Variants in SLC22A23 observed in about 807,000 individuals in gnomAD.
SLC22A23 encodes ion transporter protein.
In SLC22A23, 26 loss-of-function variants were observed where a neutral mutation model predicts 61.0. That is an observed-to-expected ratio of 0.43 (90% CI 0.31 to 0.59). The LOEUF (loss-of-function observed/expected upper bound fraction) is 0.59, where lower values mean the gene tolerates loss of function less well. SLC22A23 is among the 20% of genes least tolerant of loss of function. The pLI is 0.11. For synonymous variants in SLC22A23, 430 were observed against 413.9 expected (o/e 1.04, Z -0.47); for missense variants, 796 against 934.7 (o/e 0.85, Z 1.94).
At chr6:3,363,286 C>T (rs1288402776) in intron 3 of SLC22A23, among the ~76,000 whole-genome samples, 5 of 152,180 alleles carry the variant, frequency 3.3e-5, no homozygotes, top group Admixed American at 2.0e-4. Context: ...GGGTGAGCTC[C>T]GGCAGCACAG....
rs1005724745 is a variant in SLC22A23, at chr6:3,317,248, C to T, written c.1082+6586G>A. On this transcript the variant is annotated intron_variant, in intron 4 of 9. Coordinates refer to ENST00000406686, the MANE Select transcript of SLC22A23 (RefSeq NM_015482.2). This position sits in a 1 kb window ranked among gnomAD's most constrained non-coding sequence, Gnocchi z 4.4. ...TAACGTAGACCTGGACCTCCAAACACAAGACCAGGCTGTGTCTTGCACAAG... is the reference window on the plus strand; with the variant it reads ...TAACGTAGACCTGGACCTCCAAACATAAGACCAGGCTGTGTCTTGCACAAG... 1.3e-5 allele frequency among the ~76,000 whole-genome samples: 2 copies of T among 152,232 alleles called. No homozygotes were observed. Among genetic ancestry groups the T allele is most frequent in the African/African-American group, 4.8e-5 (2 of 41,450 alleles).
At chr6:3,347,661 C>T (rs1179715198) in intron 3 of SLC22A23, among the ~76,000 whole-genome samples, 1 of 152,070 alleles carries the variant, frequency 6.6e-6, no homozygotes, top group Non-Finnish European at 1.5e-5. Context: ...TTCTCTTTCT[C>T]CTCCTACTTT....
chr6:3,298,835 A>G (rs1006373975), intron 4 of SLC22A23, among the ~76,000 whole-genome samples: 9 of 151,584 alleles, frequency 5.9e-5, no homozygotes, highest in African/African-American at 1.2e-4. Context: ...AGCCGGGCGC[A>G]GTGGCGGGCG....
chr6:3,431,793 G>A lies in SLC22A23; in HGVS notation c.655-15938C>T, dbSNP rs1581879246. The stretch of plus-strand genomic sequence containing the variant: ...GCAAACAAACGTGTCCACAGCTCAG[G>A]TGGCCAGCTGGGGACCACAAAGACC... On this transcript the variant is annotated intron_variant, in intron 1 of 9. Coordinates refer to ENST00000406686, the MANE Select transcript of SLC22A23 (RefSeq NM_015482.2). Among the ~76,000 whole-genome samples the A allele has an allele frequency of 2.6e-5, 4 of 152,332 alleles. No individual in the cohort carries two copies. The Middle Eastern group carries it at 0.014, about 518-fold the overall frequency.
rs533886445 is a variant in SLC22A23, at chr6:3,273,114, C to T, written c.2002G>A (p.Ala668Thr). The T allele has an allele frequency of 3.1e-5, 49 of 1,602,136 alleles. No homozygotes were observed. Among genetic ancestry groups the T allele is most frequent in the East Asian group, 1.8e-4 (8 of 44,716 alleles). ...TCGGGCAGTGTGTCACCCGCGGCTG[C>T]GGCATCGTGGAGGCCCGAGTAGTCC... is the stretch of plus-strand genomic sequence containing the variant. ...LKDYSGLHDA[A>T]AAGDTLPEGA... The change falls in exon 10 of 10, where the codon GCA becomes ACA. Residue 668 changes from alanine (A) to threonine (T), a missense_variant. By Grantham distance (58) the Ala-to-Thr change is moderately conservative (BLOSUM62 0). Transcript: ENST00000406686.
chr6:3,289,840 G>A lies in SLC22A23; in HGVS notation c.1237C>T (p.Pro413Ser), dbSNP rs914845956. The change falls in exon 6 of 10, where the codon CCC becomes TCC. Residue 413 changes from proline to serine, a missense_variant. Pro to Ser is a moderately conservative substitution (Grantham distance 74, BLOSUM62 -1). Coordinates refer to ENST00000406686, the MANE Select transcript of SLC22A23 (RefSeq NM_015482.2). ...ACCTTCACGATGCAGACCTTCTTGG[G>A]CCTCCGGGAAAGCTCTTTCTCCAGC... Reference protein sequence around the residue: ...PELEKELSRRPKKVCIVKVVG... With the variant: ...PELEKELSRRSKKVCIVKVVG... The A allele has an allele frequency of 1.9e-6, 3 of 1,614,006 alleles. No individual in the cohort carries two copies. The highest frequency in any genetic ancestry group is 2.5e-6 in the Non-Finnish European group (3 of 1,180,032).
chr6:3,348,293 A>G (rs1204602011), intron 3 of SLC22A23, among the ~76,000 whole-genome samples: 6 of 152,054 alleles, frequency 3.9e-5, no homozygotes, highest in Non-Finnish European at 1.5e-5. Flanking sequence ...AGCTACTACA[A>G]CGGAGGGGTC....
chr6:3,402,907 T>C (rs1237163797), intron 3 of SLC22A23, among the ~76,000 whole-genome samples: 2 of 152,230 alleles, frequency 1.3e-5, no homozygotes, highest in Non-Finnish European at 2.9e-5. Flanking sequence ...ATGGAGCAAA[T>C]GAGCAAAGGA....
chr6:3,344,090 T>C (rs1764293737), intron 3 of SLC22A23, among the ~76,000 whole-genome samples: 1 of 152,194 alleles, frequency 6.6e-6, no homozygotes, highest in Non-Finnish European at 1.5e-5. Context: ...CATTGTCCAA[T>C]ACAGTGGTCA....
chr6:3,357,073 A>C (rs1190918918), intron 3 of SLC22A23, among the ~76,000 whole-genome samples: 2 of 150,472 alleles, frequency 1.3e-5, no homozygotes, highest in East Asian at 2.0e-4. Flanking sequence ...AAAAAAAAAA[A>C]AAAAAAAAAA....
intron 3 of SLC22A23, among the ~76,000 whole-genome samples, chr6:3,344,106 G>A (rs1764295851): frequency 6.6e-6 from 1 of 152,062 alleles, no homozygotes; most frequent in African/African-American, 2.4e-5. Flanking sequence ...GGTCACATAT[G>A]GCTATTTAAA....
rs532486872 is a variant in SLC22A23, at chr6:3,271,419, G to C, written c.*1636C>G. ...GCCCTTACTGATGTGTGGACCGCAT[G>C]TGGAGGAGACATGAGTGGCGACAGC... On this transcript the variant is annotated 3_prime_UTR_variant, in exon 10 of 10. Coordinates refer to ENST00000406686, the MANE Select transcript of SLC22A23 (RefSeq NM_015482.2). The C allele has an allele frequency of 6.6e-6, 1 of 152,544 alleles. No individual in the cohort carries two copies. The highest frequency in any genetic ancestry group is 2.4e-5 in the African/African-American group (1 of 41,586). The allele number at this position is 152,544 out of a possible 1,614,324, so 9.4% of individuals were successfully genotyped here.
chr6:3,276,225 C>T (rs1758890566), intron 9 of SLC22A23, among the ~76,000 whole-genome samples: 2 of 152,208 alleles, frequency 1.3e-5, no homozygotes, highest in African/African-American at 2.4e-5. Context: ...TGGTTGCAGT[C>T]CACCCATCTG....
At chr6:3,383,218 C>T (rs1001753633) in intron 3 of SLC22A23, among the ~76,000 whole-genome samples, 1 of 152,238 alleles carries the variant, frequency 6.6e-6, no homozygotes, top group Non-Finnish European at 1.5e-5. Context: ...TGGAGGAACA[C>T]ACACGGTATG....
intron 1 of SLC22A23, among the ~76,000 whole-genome samples, chr6:3,438,871 G>A (rs143721082): frequency 3.0e-3 from 458 of 152,310 alleles, no homozygotes; most frequent in African/African-American, 0.011. Context: ...GCAGGGAACC[G>A]TGGCTGCCTT....
At chr6:3,402,545 C>CTA (rs1768494560) in intron 3 of SLC22A23, among the ~76,000 whole-genome samples, 4 of 50,530 alleles carry the variant, frequency 7.9e-5, no homozygotes, top group South Asian at 6.2e-4. Context: ...CACTAGGCTG[C>CTA]AGCCCACTCC....
At chr6:3,323,651 C>A in intron 4 of SLC22A23, 183 bp downstream of exon 4, 1 of 725,206 alleles carries the variant, frequency 1.4e-6, no homozygotes, top group Non-Finnish European at 2.2e-6. Flanking sequence ...TATATTTGAA[C>A]AGTTTTCCAA....
intron 3 of SLC22A23, among the ~76,000 whole-genome samples, chr6:3,366,649 G>A (rs1765857625): frequency 6.6e-6 from 1 of 152,020 alleles, no homozygotes; most frequent in African/African-American, 2.4e-5. Context: ...ACTTCTATGC[G>A]ATCTATGTAA....
intron 5 of SLC22A23, 57 bp from the exon 6 acceptor site, chr6:3,289,923 G>A (rs1367026670): frequency 7.1e-7 from 1 of 1,416,382 alleles, no homozygotes; most frequent in Non-Finnish European, 9.9e-7. Flanking sequence ...GGACAGGACA[G>A]CAGCTGCAGT....
Sources: gnomAD v4.1 joint callset for allele counts (sites outside exome capture counted in the v4.1 genomes callset) on GRCh38, gnomAD v4.1.1 for gene constraint, Gnocchi (gnomAD v3.1) non-coding constraint, MANE v1.5 for transcripts, NCBI Gene and HGNC (gene_info 2026-07-23, HGNC 2026-07-21) for gene names.